The following DLG2 variants were observed in gnomAD, a reference collection of about 807,000 sequenced individuals.
DLG2 encodes the protein disks large homolog 2.
A neutral mutation model predicts 132.5 loss-of-function variants in DLG2; 45 were observed. The ratio of observed to expected loss-of-function variants is 0.34; its 90% CI spans 0.27 to 0.44. DLG2 has a LOEUF of 0.44. Ranked by LOEUF, DLG2 falls within the 20% of genes least tolerant of loss-of-function variation. The probability of loss-of-function intolerance (pLI) is 1.00; values close to 1 mark genes in which losing one functional copy is unlikely to be tolerated. For synonymous variants in DLG2, 424 were observed against 419.6 expected, an observed-to-expected ratio of 1.01 and a Z score of -0.13; for missense variants, 1,045 against 1,196.9, an observed-to-expected ratio of 0.87 and a Z score of 1.87.
intron 10 of DLG2, among the ~76,000 whole-genome samples, chr11:84,079,078 A>G (rs2096867561): frequency 6.6e-6 from 1 of 152,188 alleles, no homozygotes; most frequent in Non-Finnish European, 1.5e-5. Context: ...GGGGCCCAGG[A>G]CAAAGAGGAC....
intron 6 of DLG2, among the ~76,000 whole-genome samples, chr11:85,048,102 C>A (rs1566730459): frequency 6.6e-6 from 1 of 151,744 alleles, no homozygotes; most frequent in Non-Finnish European, 1.5e-5. Context: ...TAGAGCAATA[C>A]CTTTTTTTGA....
chr11:84,753,992 G>A (rs2066520670), intron 6 of DLG2, among the ~76,000 whole-genome samples: 1 of 152,178 alleles, frequency 6.6e-6, no homozygotes, highest in African/African-American at 2.4e-5. Flanking sequence ...GAGATCATGA[G>A]GGACAGACTG....
chr11:84,634,861 T>A (rs1207743522), intron 6 of DLG2, among the ~76,000 whole-genome samples: 1 of 152,148 alleles, frequency 6.6e-6, no homozygotes, highest in African/African-American at 2.4e-5. Flanking sequence ...TCAATCTGCT[T>A]CAACAAGCCT....
At position 84,059,430 on chromosome 11, in the gene DLG2, G is replaced by T; in HGVS notation, c.804C>A (p.His268Gln). ...VNEVDVSEVS[H>Q]SKAVEALKEA... Reference sequence around the variant, plus strand: ...CCTTCAGGGCTTCCACCGCTTTACTGTGGGAAACCTCTGACACATCAACCT... The same window carrying T: ...CCTTCAGGGCTTCCACCGCTTTACTTTGGGAAACCTCTGACACATCAACCT... Residue 268 changes from histidine (H) to glutamine (Q), a missense_variant, in exon 11 of 28, where the codon CAC (histidine) becomes CAA (glutamine). By Grantham distance (24) the His-to-Gln change is conservative (BLOSUM62 0). This residue lies in a region of DLG2 where 109 missense variants were observed against 159.1 expected (regional missense o/e 0.69). Coordinates refer to ENST00000376104, the MANE Select transcript of DLG2 (RefSeq NM_001142699.3). The T allele has an allele frequency of 1.2e-6, 2 of 1,613,114 alleles. No homozygotes were observed. The highest frequency in any genetic ancestry group is 1.7e-6 in the Non-Finnish European group (2 of 1,179,596).
chr11:85,205,273 A>G (rs1020367812), intron 4 of DLG2, among the ~76,000 whole-genome samples: 8 of 151,676 alleles, frequency 5.3e-5, no homozygotes, highest in African/African-American at 1.9e-4. Context: ...TAAGTGAAAT[A>G]AACCAGGTAC....
chr11:85,526,043 C>T (rs1477942449), intron 3 of DLG2, among the ~76,000 whole-genome samples: 1 of 152,188 alleles, frequency 6.6e-6, no homozygotes, highest in Non-Finnish European at 1.5e-5. Flanking sequence ...CCTCTTCCCA[C>T]TAGCCAAAAT....
At chr11:84,161,038 G>A (rs1339966224) in intron 9 of DLG2, among the ~76,000 whole-genome samples, 1 of 152,204 alleles carries the variant, frequency 6.6e-6, no homozygotes, top group African/African-American at 2.4e-5. Context: ...AGAAAGTCTT[G>A]AGAGTTCACT....
At chr11:83,865,417 A>C (rs12363937) in intron 16 of DLG2, among the ~76,000 whole-genome samples, 18,956 of 151,776 alleles carry the variant, frequency 0.12, 1,745 homozygotes, top group Non-Finnish European at 0.18. Flanking sequence ...ATTATATTGC[A>C]CTATGCAAAC....
At chr11:83,678,307 A>C (rs2078120711) in intron 18 of DLG2, among the ~76,000 whole-genome samples, 1 of 152,230 alleles carries the variant, frequency 6.6e-6, no homozygotes, top group Admixed American at 6.5e-5. Context: ...ATTTTAGTTT[A>C]CTACTCTGAA....
At chr11:83,586,360 G>C (rs924011107) in intron 19 of DLG2, among the ~76,000 whole-genome samples, 4 of 152,212 alleles carry the variant, frequency 2.6e-5, no homozygotes, top group African/African-American at 7.2e-5. Context: ...AGCACAGACA[G>C]ATGTGGGATA....
chr11:84,357,523 G>C (rs2098623412), intron 7 of DLG2, among the ~76,000 whole-genome samples: 1 of 151,962 alleles, frequency 6.6e-6, no homozygotes, highest in South Asian at 2.1e-4. Flanking sequence ...TTATGTTTAA[G>C]AGCAATGGCA....
intron 3 of DLG2, among the ~76,000 whole-genome samples, chr11:85,545,941 G>C (rs1271950828): frequency 6.6e-6 from 1 of 152,070 alleles, no homozygotes; most frequent in South Asian, 2.1e-4. Context: ...CAAAAAACCA[G>C]CTCCTGGATT....
chr11:84,202,437 C>T (rs1179866864), intron 8 of DLG2, among the ~76,000 whole-genome samples: 7 of 152,080 alleles, frequency 4.6e-5, no homozygotes, highest in Non-Finnish European at 1.5e-5. Flanking sequence ...GAAACTGGAC[C>T]CCTTCCTTAA....
At chr11:83,905,553 G>T (rs1351129364) in intron 15 of DLG2, among the ~76,000 whole-genome samples, 1 of 152,120 alleles carries the variant, frequency 6.6e-6, no homozygotes, top group Non-Finnish European at 1.5e-5. Context: ...GGTCTACTTT[G>T]TTCTCCAAAG....
intron 6 of DLG2, among the ~76,000 whole-genome samples, chr11:84,676,384 A>G (rs998270324): frequency 2.6e-5 from 4 of 152,076 alleles, no homozygotes; most frequent in African/African-American, 9.7e-5. Flanking sequence ...TTAAAAATAA[A>G]AGTTCTTAAG....
intron 6 of DLG2, among the ~76,000 whole-genome samples, chr11:84,586,327 C>A (rs1221572131): frequency 6.6e-6 from 1 of 152,120 alleles, no homozygotes; most frequent in Non-Finnish European, 1.5e-5. Flanking sequence ...TCTTCTTTAA[C>A]TCTAATAGTC....
chr11:84,860,161 TA>T (rs933698649), intron 6 of DLG2, among the ~76,000 whole-genome samples: 2 of 152,146 alleles, frequency 1.3e-5, no homozygotes, highest in Non-Finnish European at 2.9e-5. Flanking sequence ...CTCTTCGACT[TA>T]AAAAAATATT....
At chr11:85,575,150 C>CA (rs201767866) in intron 3 of DLG2, among the ~76,000 whole-genome samples, 3,043 of 128,122 alleles carry the variant, frequency 0.024, 32 homozygotes, top group African/African-American at 0.035. Flanking sequence ...ACCTCATTCA[C>CA]AAAAAAAAAA....
chr11:84,022,556 CTCT>C (rs975442386), intron 11 of DLG2, among the ~76,000 whole-genome samples: 2 of 152,146 alleles, frequency 1.3e-5, no homozygotes, highest in African/African-American at 4.8e-5. Flanking sequence ...GAGGAAAAAC[CTCT>C]TCTTCATTCT....
Sources: allele counts gnomAD v4.1 joint callset (sites outside exome capture counted in the v4.1 genomes callset), GRCh38; gene constraint gnomAD v4.1.1; regional missense constraint gnomAD v4.1.1; transcripts MANE v1.5; gene names NCBI Gene and HGNC (gene_info 2026-07-23, HGNC 2026-07-21).